EBAG9: variants seen among roughly 807,000 people sequenced by gnomAD.
EBAG9 encodes receptor-binding cancer antigen expressed on SiSo cells.
A neutral mutation model predicts 30.9 loss-of-function variants in EBAG9; 16 were observed. That is an observed-to-expected ratio of 0.52 (90% CI 0.35 to 0.79). The LOEUF is 0.79. Ranked by LOEUF, EBAG9 falls within the 30% of genes least tolerant of loss-of-function variation. The pLI is 0.01. For missense variants in EBAG9, 197 were observed against 242.1 expected, an observed-to-expected ratio of 0.81 and a Z score of 1.24; for synonymous variants, 93 against 82.8, an observed-to-expected ratio of 1.12 and a Z score of -0.67.
chr8:109,564,561 A>C lies in EBAG9; in HGVS notation c.*2A>C. The C allele has an allele frequency of 6.2e-7, 1 of 1,611,354 alleles. No homozygotes were observed. The highest frequency in any genetic ancestry group is 8.5e-7 in the Non-Finnish European group (1 of 1,178,236). On this transcript the variant is annotated 3_prime_UTR_variant, in exon 7 of 7. Coordinates refer to ENST00000337573, the MANE Select transcript of EBAG9 (RefSeq NM_004215.5). Reference sequence around the variant, plus strand: ...AAAATTGGTGTGAAACTTTCATAACACATGTTCAAATTTTATCATGCCAGT... The same window carrying C: ...AAAATTGGTGTGAAACTTTCATAACCCATGTTCAAATTTTATCATGCCAGT...
chr8:109,553,200 C>T (rs995977421), intron 2 of EBAG9, among the ~76,000 whole-genome samples: 1 of 151,948 alleles, frequency 6.6e-6, no homozygotes, highest in African/African-American at 2.4e-5. Flanking sequence ...TAATTAAATC[C>T]AAACAACCCT....
At chr8:109,552,500 G>A (rs977440359) in intron 2 of EBAG9, among the ~76,000 whole-genome samples, 1 of 152,146 alleles carries the variant, frequency 6.6e-6, no homozygotes, top group Non-Finnish European at 1.5e-5. Flanking sequence ...TTAAAAATGG[G>A]TATTAATTGC....
rs1821614814 is a variant in EBAG9, at chr8:109,557,035, A to G, written c.422A>G (p.His141Arg). The change falls in exon 5 of 7, where the codon CAT (histidine) becomes CGT (arginine). Residue 141 changes from histidine (H) to arginine (R), a missense_variant. Physicochemically the swap from His to Arg is conservative, Grantham distance 29. Transcript: ENST00000337573. ...GCTACACAAGATCTGCCTTTTATTC[A>G]TCAGTCTGTAAGTATGTTAATGGTT... is the stretch of plus-strand genomic sequence containing the variant. ...LAATQDLPFI[H>R]QSSELGDLDT... 1.9e-6 allele frequency: 3 copies of G among 1,599,414 alleles called. No individual in the cohort carries two copies. In the African/African-American group the frequency reaches 4.0e-5, roughly 21 times the overall value.
rs1479276489 is a variant in EBAG9, at chr8:109,564,329, T to C, written c.522-110T>C. 14 of 1,416,586 alleles carry C rather than the reference T, an allele frequency of 9.9e-6. No homozygotes were observed. In the East Asian group the frequency reaches 2.8e-4, roughly 29 times the overall value. The allele number at this position is 1,416,586 out of a possible 1,614,324, so 87.8% of individuals were successfully genotyped here. On this transcript the variant is annotated intron_variant, in intron 6 of 6. Coordinates refer to ENST00000337573, the MANE Select transcript of EBAG9 (RefSeq NM_004215.5). Reference sequence around the variant, plus strand: ...AATTAGTGAGAAAATTTTAAGACTTTCAACATTTTATTTGGTGATAATAAA... The same window carrying C: ...AATTAGTGAGAAAATTTTAAGACTTCCAACATTTTATTTGGTGATAATAAA...
intron 5 of EBAG9, among the ~76,000 whole-genome samples, chr8:109,558,173 T>C (rs1464307218): frequency 2.0e-5 from 3 of 152,232 alleles, no homozygotes; most frequent in Non-Finnish European, 4.4e-5. Context: ...CAGTTGCTTC[T>C]GAGGTCCCTC....
chr8:109,554,619 A>G (rs1300458577), intron 3 of EBAG9, 110 bp from the exon 4 acceptor site: 10 of 1,102,176 alleles, frequency 9.1e-6, no homozygotes, highest in Non-Finnish European at 1.3e-5. Flanking sequence ...CGTGGGTTAA[A>G]AAAGTTTGAA....
At chr8:109,554,251 A>T (rs1405510358) in intron 3 of EBAG9, among the ~76,000 whole-genome samples, 1 of 152,162 alleles carries the variant, frequency 6.6e-6, no homozygotes, top group Admixed American at 6.5e-5. Context: ...GTATCTGTTG[A>T]TTAACTTGCC....
At chr8:109,561,579 G>A (rs906048832) in intron 6 of EBAG9, among the ~76,000 whole-genome samples, 31 of 152,116 alleles carry the variant, frequency 2.0e-4, no homozygotes, top group Non-Finnish European at 3.7e-4. Context: ...GAGAGCTAGT[G>A]ACTGATTACT....
intron 1 of EBAG9, among the ~76,000 whole-genome samples, chr8:109,543,831 G>C (rs1220000565): frequency 1.3e-5 from 2 of 152,078 alleles, no homozygotes; most frequent in Non-Finnish European, 2.9e-5. Flanking sequence ...AGGAGTTCGA[G>C]ACCAGCCTAG....
chr8:109,547,109 T>A (rs1586686884), intron 1 of EBAG9, among the ~76,000 whole-genome samples: 1 of 152,172 alleles, frequency 6.6e-6, no homozygotes, highest in Non-Finnish European at 1.5e-5. Flanking sequence ...CACTGCAACC[T>A]CCGCATCCTG....
intron 1 of EBAG9, among the ~76,000 whole-genome samples, chr8:109,544,987 C>CT (rs1405206834): frequency 6.6e-6 from 1 of 151,796 alleles, no homozygotes; most frequent in African/African-American, 2.4e-5. Context: ...GTATAGGTGA[C>CT]TAAGATGTAT....
intron 3 of EBAG9, 127 bp downstream of exon 3, chr8:109,554,070 A>G: frequency 1.6e-6 from 1 of 612,598 alleles, no homozygotes; most frequent in Non-Finnish European, 2.6e-6. Flanking sequence ...GTGTTGTTAA[A>G]TTTATCTGGT....
chr8:109,546,232 A>G (rs1018342882), intron 1 of EBAG9, among the ~76,000 whole-genome samples: 2 of 152,242 alleles, frequency 1.3e-5, no homozygotes, highest in Non-Finnish European at 2.9e-5. Context: ...TTCTAATTTA[A>G]GTGACATAAT....
At chr8:109,561,635 A>AT (rs1435229791) in intron 6 of EBAG9, among the ~76,000 whole-genome samples, 1 of 151,854 alleles carries the variant, frequency 6.6e-6, no homozygotes, top group African/African-American at 2.4e-5. Context: ...GAATTCATAC[A>AT]TTTTTTAAAT....
At chr8:109,555,505 A>G (rs995079968) in intron 4 of EBAG9, among the ~76,000 whole-genome samples, 6 of 152,210 alleles carry the variant, frequency 3.9e-5, no homozygotes, top group African/African-American at 2.4e-5. Context: ...ATATTTATAT[A>G]TGTATCGAAA....
chr8:109,549,755 G>A (rs992252390), intron 1 of EBAG9, among the ~76,000 whole-genome samples: 41 of 152,014 alleles, frequency 2.7e-4, no homozygotes, highest in African/African-American at 9.9e-4. Flanking sequence ...TTAAGGACAC[G>A]TGTTTTAGAT....
chr8:109,545,618 C>T (rs1047867641), intron 1 of EBAG9, among the ~76,000 whole-genome samples: 1 of 152,082 alleles, frequency 6.6e-6, no homozygotes, highest in Non-Finnish European at 1.5e-5. Flanking sequence ...CCGCCTCAGC[C>T]TCCCAAAGCG....
intron 4 of EBAG9, among the ~76,000 whole-genome samples, chr8:109,556,198 A>C (rs1821594635): frequency 6.6e-6 from 1 of 152,008 alleles, no homozygotes; most frequent in African/African-American, 2.4e-5. Context: ...ACACATACAC[A>C]CTTCATAAAA....
At chr8:109,551,433 C>G (rs1821492489) in intron 2 of EBAG9, among the ~76,000 whole-genome samples, 1 of 152,014 alleles carries the variant, frequency 6.6e-6, no homozygotes, top group African/African-American at 2.4e-5. Flanking sequence ...ACTTCAGTTC[C>G]TTCTGTTTTG....
Sources: allele counts gnomAD v4.1 joint callset (sites outside exome capture counted in the v4.1 genomes callset), GRCh38; gene constraint gnomAD v4.1.1; transcripts MANE v1.5; gene names NCBI Gene and HGNC (gene_info 2026-07-23, HGNC 2026-07-21).